THSD7B: variants seen among roughly 807,000 people sequenced by gnomAD.
THSD7B encodes thrombospondin type 1 domain containing 7B.
In THSD7B, 138 loss-of-function variants were observed where a neutral mutation model predicts 213.6. The ratio of observed to expected loss-of-function variants is 0.65; its 90% CI spans 0.56 to 0.74. The LOEUF (loss-of-function observed/expected upper bound fraction) is 0.74, where lower values mean the gene tolerates loss of function less well. THSD7B is among the 30% of genes least tolerant of loss of function. THSD7B has a pLI of 0.00. For missense variants in THSD7B, 1,931 were observed against 1,991.5 expected (o/e 0.97, Z 0.58); for synonymous variants, 742 against 687.0 (o/e 1.08, Z -1.25).
chr2:137,396,428 A>G (rs1273891300), intron 12 of THSD7B, among the ~76,000 whole-genome samples: 4 of 148,714 alleles, frequency 2.7e-5, no homozygotes, highest in Non-Finnish European at 4.5e-5. Context: ...TGTATCCAGT[A>G]GTCATTCAGG....
chr2:137,004,296 T>TACACACACACACACACACACAC (rs34674642), intron 2 of THSD7B, among the ~76,000 whole-genome samples: 2 of 131,584 alleles, frequency 1.5e-5, no homozygotes, highest in Admixed American at 1.5e-4. Context: ...TGTGCACACG[T>TACACACACACACACACACACAC]ACACACACAC....
intron 14 of THSD7B, among the ~76,000 whole-genome samples, chr2:137,448,800 A>AAACAAC (rs147631065): frequency 0.027 from 3,965 of 144,976 alleles, 116 homozygotes; most frequent in African/African-American, 0.08. Context: ...CTCCATCTCA[A>AAACAAC]AACAACAACA....
chr2:136,881,547 G>A (rs1333551018), intron 1 of THSD7B, among the ~76,000 whole-genome samples: 7 of 152,084 alleles, frequency 4.6e-5, no homozygotes, highest in Admixed American at 4.6e-4. Flanking sequence ...CGTTCTAGCA[G>A]TCAAAGTCAG....
chr2:137,093,101 C>G (rs1368568473), intron 3 of THSD7B, among the ~76,000 whole-genome samples: 1 of 152,138 alleles, frequency 6.6e-6, no homozygotes, highest in Non-Finnish European at 1.5e-5. Context: ...TAACAAGGGA[C>G]AAAAGGAACA....
chr2:137,505,875 T>A (rs1466922497), intron 15 of THSD7B, among the ~76,000 whole-genome samples: 1 of 152,180 alleles, frequency 6.6e-6, no homozygotes, highest in Non-Finnish European at 1.5e-5. Context: ...AAGAAATGGA[T>A]AAGGCAGGGT....
intron 1 of THSD7B, among the ~76,000 whole-genome samples, chr2:136,867,392 A>G (rs1683350005): frequency 1.3e-5 from 2 of 152,204 alleles, no homozygotes; most frequent in African/African-American, 2.4e-5. Context: ...ACCAAGGACA[A>G]GCATGCAAAC....
rs955996098 is a variant in THSD7B, at chr2:137,566,462, T to C, written c.3272+3108T>C. On this transcript the variant is annotated intron_variant, in intron 16 of 27. Transcript: ENST00000409968. ...GCATAAATAACAAGGTATGATCTGATTGGATCTTGCAATAAGGTGGTGCTG... is the reference window on the plus strand; with the variant it reads ...GCATAAATAACAAGGTATGATCTGACTGGATCTTGCAATAAGGTGGTGCTG... 3.9e-5 allele frequency among the ~76,000 whole-genome samples: 6 copies of C among 152,174 alleles called. No homozygotes were observed. In the South Asian group the frequency reaches 8.3e-4, roughly 21 times the overall value.
chr2:137,155,778 T>C (rs1679899415), intron 5 of THSD7B, among the ~76,000 whole-genome samples: 1 of 152,180 alleles, frequency 6.6e-6, no homozygotes, highest in African/African-American at 2.4e-5. Flanking sequence ...TTTAAAGGTA[T>C]AAAGGGTTTA....
chr2:137,390,495 A>T (rs1685996982), intron 12 of THSD7B, among the ~76,000 whole-genome samples: 1 of 152,124 alleles, frequency 6.6e-6, no homozygotes. Context: ...AAACAATTTG[A>T]CATCTTTTTC....
intron 27 of THSD7B, among the ~76,000 whole-genome samples, chr2:137,671,662 G>A (rs886907702): frequency 3.3e-5 from 5 of 152,164 alleles, no homozygotes; most frequent in Admixed American, 2.6e-4. Flanking sequence ...CATGGGGGAA[G>A]CGATGATTCA....
At chr2:136,882,450 C>A in intron 2 of THSD7B, 133 bp downstream of exon 2, 2 of 1,009,900 alleles carry the variant, frequency 2.0e-6, no homozygotes, top group Non-Finnish European at 2.6e-6. Flanking sequence ...TTTTTAAATT[C>A]TGCAGCTCAT....
intron 3 of THSD7B, among the ~76,000 whole-genome samples, chr2:137,076,608 G>C (rs569359920): frequency 2.0e-4 from 31 of 152,304 alleles, no homozygotes; most frequent in Admixed American, 1.3e-4. Context: ...TGGGCCTACT[G>C]TCTGGCACTG....
chr2:137,488,980 T>C (rs890862726), intron 15 of THSD7B, among the ~76,000 whole-genome samples: 3 of 152,318 alleles, frequency 2.0e-5, no homozygotes, highest in African/African-American at 2.4e-5. Context: ...AAAGTTGAAA[T>C]TTCATCTGTG....
At chr2:136,797,039 T>G (rs990665082) in intron 1 of THSD7B, among the ~76,000 whole-genome samples, 15 of 150,758 alleles carry the variant, frequency 9.9e-5, no homozygotes, top group African/African-American at 3.4e-4. Flanking sequence ...GACTCATTTG[T>G]TTTTGTCATG....
chr2:137,419,377 T>TTTTTTTTTTTTTTTTTTTTTTTTTTTTG lies in THSD7B; in HGVS notation c.2959+7505_2959+7506insTTTTTTTTTTTTTTTTTTTTTTTTTTTG, dbSNP rs1386654895. On this transcript the variant is annotated intron_variant, in intron 14 of 27. Transcript: ENST00000409968. ...CCACTTTTGGTGGGTCCTGAGTTCT[T>TTTTTTTTTTTTTTTTTTTTTTTTTTTTG]GTCCCACATCAAAGAAGAATGAGGA... Among the ~76,000 whole-genome samples the TTTTTTTTTTTTTTTTTTTTTTTTTTTTG allele has an allele frequency of 3.9e-5, 3 of 77,176 alleles. 1 individual carries two copies. The highest frequency in any genetic ancestry group is 7.1e-5 in the Non-Finnish European group (2 of 28,312). 50.6% of individuals were successfully genotyped at this position (77,176 alleles called of 152,430 possible).
chr2:137,600,590 T>A (rs1682057707), intron 17 of THSD7B, among the ~76,000 whole-genome samples: 1 of 152,044 alleles, frequency 6.6e-6, no homozygotes, highest in African/African-American at 2.4e-5. Flanking sequence ...ATACAAAAAT[T>A]AGCTGGGTGT....
chr2:137,246,993 T>C (rs759800928), intron 10 of THSD7B, among the ~76,000 whole-genome samples: 13 of 152,204 alleles, frequency 8.5e-5, no homozygotes, highest in Non-Finnish European at 1.9e-4. Context: ...ATAGGTGACT[T>C]ATAAGCAGTG....
At chr2:136,866,890 T>C (rs1017490148) in intron 1 of THSD7B, among the ~76,000 whole-genome samples, 4 of 152,206 alleles carry the variant, frequency 2.6e-5, no homozygotes, top group East Asian at 1.9e-4. Flanking sequence ...AGGAGCCTAA[T>C]TGGTAATCAA....
At chr2:136,970,734 G>A (rs1247279352) in intron 2 of THSD7B, among the ~76,000 whole-genome samples, 2 of 152,070 alleles carry the variant, frequency 1.3e-5, no homozygotes, top group South Asian at 2.1e-4. Flanking sequence ...ATTTTACTCC[G>A]AAGTGCAAAT....
Sources: gnomAD v4.1 joint callset for allele counts (sites outside exome capture counted in the v4.1 genomes callset) on GRCh38, gnomAD v4.1.1 for gene constraint, MANE v1.5 for transcripts, NCBI Gene and HGNC (gene_info 2026-07-23, HGNC 2026-07-21) for gene names.